Variants in SNTG2 observed in about 807,000 individuals in gnomAD.
SNTG2 encodes the protein gamma-2-syntrophin.
A neutral mutation model predicts 70.9 loss-of-function variants in SNTG2; 74 were observed. The ratio of observed to expected loss-of-function variants is 1.04; its 90% CI spans 0.86 to 1.27. The LOEUF is 1.27. Among genes scored for constraint, SNTG2 ranks in the 50% most tolerant of loss-of-function variants. The pLI, the probability that SNTG2 is intolerant of heterozygous loss-of-function variation, is 0.00. For missense variants in SNTG2, 717 were observed against 690.7 expected, an observed-to-expected ratio of 1.04 and a Z score of -0.43; for synonymous variants, 278 against 273.8, an observed-to-expected ratio of 1.02 and a Z score of -0.15.
intron 8 of SNTG2, among the ~76,000 whole-genome samples, chr2:1,183,205 C>T (rs1672030967): frequency 1.3e-5 from 2 of 151,828 alleles, no homozygotes; most frequent in Admixed American, 1.3e-4. Flanking sequence ...TCCTTGCTAT[C>T]CAGTATTCCA....
chr2:1,229,455 C>T (rs1057072218), intron 9 of SNTG2, among the ~76,000 whole-genome samples: 3 of 152,154 alleles, frequency 2.0e-5, no homozygotes, highest in Non-Finnish European at 2.9e-5. Context: ...TACAGAGTGC[C>T]GATTGGTGTA....
At chr2:1,210,431 C>A (rs1229427936) in intron 9 of SNTG2, 1 of 152,128 alleles carries the variant, frequency 6.6e-6, no homozygotes, top group Non-Finnish European at 1.5e-5. Flanking sequence ...AAGGACAGAC[C>A]ACATATGCCA....
chr2:1,067,906 A>C (rs1375779853), intron 1 of SNTG2, among the ~76,000 whole-genome samples: 1 of 152,078 alleles, frequency 6.6e-6, no homozygotes, highest in Admixed American at 6.6e-5. Context: ...GTGCAGGCTT[A>C]TGGGTCCCAC....
At chr2:1,142,107 C>T (rs1057033556) in intron 6 of SNTG2, among the ~76,000 whole-genome samples, 4 of 152,190 alleles carry the variant, frequency 2.6e-5, no homozygotes, top group Non-Finnish European at 5.9e-5. Flanking sequence ...TGACTCTCTC[C>T]CTGAAATTGA....
chr2:1,325,823 T>C (rs927354891), intron 16 of SNTG2, among the ~76,000 whole-genome samples: 10 of 152,076 alleles, frequency 6.6e-5, no homozygotes, highest in African/African-American at 2.4e-4. Context: ...TGATAATATA[T>C]ACCTAGGCAT....
At chr2:1,314,914 T>C (rs1287160482) in intron 15 of SNTG2, among the ~76,000 whole-genome samples, 1 of 152,148 alleles carries the variant, frequency 6.6e-6, no homozygotes, top group Non-Finnish European at 1.5e-5. Flanking sequence ...GAGAACAGCA[T>C]GGGAAAGACC....
intron 7 of SNTG2, 147 bp from the exon 8 acceptor site, chr2:1,172,945 A>AT (rs1671222505): frequency 1.5e-6 from 1 of 686,412 alleles, no homozygotes; most frequent in Admixed American, 2.5e-5. Flanking sequence ...GTGAGAGGCC[A>AT]TTGGGGATGA....
chr2:1,186,106 C>G (rs1215086946), intron 8 of SNTG2, among the ~76,000 whole-genome samples: 1 of 152,188 alleles, frequency 6.6e-6, no homozygotes, highest in Non-Finnish European at 1.5e-5. Flanking sequence ...TCATAACTCT[C>G]AAGTTCAATG....
intron 8 of SNTG2, among the ~76,000 whole-genome samples, chr2:1,180,405 A>G (rs1671797510): frequency 7.6e-6 from 1 of 131,092 alleles, no homozygotes; most frequent in Non-Finnish European, 1.6e-5. Context: ...AAAGTGGGCA[A>G]AGGACATGAA....
At chr2:1,286,524 G>T (rs1391399489) in intron 14 of SNTG2, among the ~76,000 whole-genome samples, 1 of 152,180 alleles carries the variant, frequency 6.6e-6, no homozygotes, top group Non-Finnish European at 1.5e-5. Flanking sequence ...TGAGTGCCTT[G>T]GTCAGAGGCA....
chr2:1,296,004 C>T (rs550625850), intron 14 of SNTG2, among the ~76,000 whole-genome samples: 127 of 147,718 alleles, frequency 8.6e-4, no homozygotes, highest in African/African-American at 3.1e-3. Flanking sequence ...GCCAGGCAGA[C>T]GTCACCATCG....
chr2:1,347,806 C>A (rs1455946032), intron 16 of SNTG2, among the ~76,000 whole-genome samples: 1 of 152,226 alleles, frequency 6.6e-6, no homozygotes, highest in Non-Finnish European at 1.5e-5. Context: ...CACACATGCA[C>A]CCTTGCCTGG....
At position 1,053,901 on chromosome 2, in the gene SNTG2, C is replaced by T. The variant is rs1043531400; in HGVS notation, c.73-29617C>T. ...ACCTCCTCTTCTCCCTTCCTCCCTC[C>T]CTCCCTTTGTCCCCTCCTCTCCTCC... On this transcript the variant is annotated intron_variant, in intron 1 of 16. Transcript: ENST00000308624. Among the ~76,000 whole-genome samples the T allele has an allele frequency of 4.6e-5, 7 of 151,972 alleles. No homozygotes were observed. In the East Asian group the frequency reaches 1.4e-3, roughly 29 times the overall value.
chr2:1,246,348 C>A (rs777288516), intron 11 of SNTG2, among the ~76,000 whole-genome samples: 2 of 152,184 alleles, frequency 1.3e-5, no homozygotes, highest in Non-Finnish European at 2.9e-5. Context: ...AGAGTGAAGA[C>A]CTTCAGTGGT....
chr2:1,144,626 C>T (rs1038298374), intron 6 of SNTG2, among the ~76,000 whole-genome samples: 5 of 152,002 alleles, frequency 3.3e-5, no homozygotes, highest in Admixed American at 6.6e-5. Context: ...TGGTGGAAGG[C>T]GAAAGGCACA....
chr2:1,057,837 T>C (rs892958040), intron 1 of SNTG2, among the ~76,000 whole-genome samples: 2 of 152,016 alleles, frequency 1.3e-5, no homozygotes, highest in African/African-American at 4.8e-5. Flanking sequence ...TTCAAAAAAA[T>C]CTTCCAGCTG....
At chr2:1,077,961 G>A (rs1416716382) in intron 1 of SNTG2, among the ~76,000 whole-genome samples, 3 of 151,908 alleles carry the variant, frequency 2.0e-5, no homozygotes, top group East Asian at 3.9e-4. Flanking sequence ...ACTGTTTTGC[G>A]GCTGCTGTGG....
At chr2:1,031,528 A>ATATATATATATATATATATATTTTTTTTT in intron 1 of SNTG2, among the ~76,000 whole-genome samples, 8 of 59,110 alleles carry the variant, frequency 1.4e-4, no homozygotes, top group Non-Finnish European at 1.9e-4. Context: ...ATATATATAT[A>ATATATATATATATATATATATTTTTTTTT]TTTTTTTTTT....
intron 16 of SNTG2, among the ~76,000 whole-genome samples, chr2:1,359,597 G>A (rs1381554284): frequency 3.3e-5 from 5 of 152,026 alleles, no homozygotes; most frequent in Non-Finnish European, 7.4e-5. Context: ...CATATAGTTA[G>A]GTCTCAATGT....
Sources: gnomAD v4.1 joint callset for allele counts (sites outside exome capture counted in the v4.1 genomes callset) on GRCh38, gnomAD v4.1.1 for gene constraint, MANE v1.5 for transcripts, NCBI Gene and HGNC (gene_info 2026-07-23, HGNC 2026-07-21) for gene names.